The following ITPR2 variants were observed in gnomAD, a reference collection of about 807,000 sequenced individuals.
ITPR2 encodes the protein inositol 1,4,5-trisphosphate-gated calcium channel ITPR2.
In ITPR2, 207 loss-of-function variants were observed where a neutral mutation model predicts 317.1. The observed-to-expected ratio is 0.65, with a 90% CI of 0.58 to 0.73. The LOEUF is 0.73. Among genes scored for constraint, ITPR2 ranks in the 30% least tolerant of loss-of-function variants. The pLI is 0.00. For synonymous variants in ITPR2, 1,156 were observed against 1,149.1 expected, an observed-to-expected ratio of 1.01 and a Z score of -0.12; for missense variants, 2,613 against 3,284.0, an observed-to-expected ratio of 0.80 and a Z score of 4.99.
At chr12:26,358,835 G>C (rs2063632) in intron 55 of ITPR2, among the ~76,000 whole-genome samples, 148,506 of 152,232 alleles carry the variant, frequency 0.98, 72,555 homozygotes, top group Non-Finnish European at 1. Context: ...CATGAGCTGT[G>C]CTGCTGGTTT....
chr12:26,431,633 G>C (rs1941211231), intron 48 of ITPR2, among the ~76,000 whole-genome samples: 1 of 152,206 alleles, frequency 6.6e-6, no homozygotes, highest in African/African-American at 2.4e-5. Flanking sequence ...AGAGGGTGAA[G>C]AGTGCCCAAC....
chr12:26,651,654 T>C (rs908900315), intron 21 of ITPR2, among the ~76,000 whole-genome samples: 1 of 152,228 alleles, frequency 6.6e-6, no homozygotes, highest in Admixed American at 6.5e-5. Context: ...GGTGTTTAGA[T>C]TTTTCCATTC....
At chr12:26,695,531 T>C (rs1355906438) in intron 10 of ITPR2, 75 bp downstream of exon 10, 144 of 1,282,624 alleles carry the variant, frequency 1.1e-4, no homozygotes, top group Non-Finnish European at 9.0e-6. Context: ...AAATTTGCTA[T>C]TAAAATTCCA....
intron 15 of ITPR2, among the ~76,000 whole-genome samples, chr12:26,662,268 T>C (rs1947520803): frequency 6.6e-6 from 1 of 152,238 alleles, no homozygotes. Flanking sequence ...TGGGTTTGCA[T>C]ACTGGTTCCA....
chr12:26,382,486 G>A (rs1939537475), intron 55 of ITPR2, among the ~76,000 whole-genome samples: 1 of 152,170 alleles, frequency 6.6e-6, no homozygotes, highest in African/African-American at 2.4e-5. Context: ...CCAATGTGGT[G>A]AAACCCTGTC....
intron 37 of ITPR2, among the ~76,000 whole-genome samples, chr12:26,535,286 C>T (rs1944058170): frequency 6.6e-6 from 1 of 152,046 alleles, no homozygotes; most frequent in African/African-American, 2.4e-5. Flanking sequence ...AAAATGATTC[C>T]AAAAAAGCTA....
intron 2 of ITPR2, among the ~76,000 whole-genome samples, chr12:26,787,601 G>A (rs150761829): frequency 0.013 from 1,918 of 152,222 alleles, 25 homozygotes; most frequent in Non-Finnish European, 0.023. Context: ...CCCATGAAGC[G>A]TAAATGTTTA....
At chr12:26,672,799 C>A (rs1385008432) in intron 13 of ITPR2, among the ~76,000 whole-genome samples, 3 of 151,838 alleles carry the variant, frequency 2.0e-5, no homozygotes, top group Non-Finnish European at 4.4e-5. Context: ...TGATAGACTG[C>A]TAGCAAGACT....
intron 1 of ITPR2, among the ~76,000 whole-genome samples, chr12:26,826,873 C>T (rs574687956): frequency 2.0e-5 from 3 of 152,324 alleles, no homozygotes; most frequent in South Asian, 2.1e-4. Context: ...AAGAATTCTG[C>T]TATGCTCAGT....
intron 2 of ITPR2, among the ~76,000 whole-genome samples, chr12:26,732,153 G>A (rs931213576): frequency 6.6e-6 from 1 of 152,056 alleles, no homozygotes. Context: ...ACAACACATG[G>A]GTTAGCAACC....
intron 24 of ITPR2, among the ~76,000 whole-genome samples, chr12:26,623,789 A>C (rs1946557690): frequency 6.6e-6 from 1 of 152,228 alleles, no homozygotes. Context: ...CAATATTAAA[A>C]CAATAAACGG....
intron 45 of ITPR2, among the ~76,000 whole-genome samples, chr12:26,463,963 G>A (rs758193783): frequency 6.6e-6 from 1 of 152,076 alleles, no homozygotes; most frequent in Non-Finnish European, 1.5e-5. Context: ...TCCCTATGAT[G>A]AAAATGCTTT....
chr12:26,371,990 C>A lies in ITPR2; in HGVS notation c.7857+15444G>T, dbSNP rs114255873. ...CTGTGTTTGAAGGATCAAACAGGAA[C>A]TCCTTACCCTGAGAATTAATTCCTG... On this transcript the variant is annotated intron_variant, in intron 55 of 56. Coordinates refer to ENST00000381340, the MANE Select transcript of ITPR2 (RefSeq NM_002223.4). Among the ~76,000 whole-genome samples the A allele has an allele frequency of 3.9e-3, 600 of 152,276 alleles. 5 individuals are homozygous for A. Among genetic ancestry groups the A allele is most frequent in the African/African-American group, 0.013 (531 of 41,550 alleles).
chr12:26,764,189 A>G (rs1949681069), intron 2 of ITPR2, among the ~76,000 whole-genome samples: 1 of 152,118 alleles, frequency 6.6e-6, no homozygotes, highest in South Asian at 2.1e-4. Flanking sequence ...TTCACCCTTC[A>G]CAAAAATTAA....
intron 46 of ITPR2, 133 bp downstream of exon 46, chr12:26,443,410 T>A: frequency 1.7e-6 from 1 of 582,738 alleles, no homozygotes; most frequent in Non-Finnish European, 3.0e-6. Flanking sequence ...CTCATCCTTT[T>A]ACTATACATT....
chr12:26,350,786 G>A (rs1938455639), intron 55 of ITPR2, among the ~76,000 whole-genome samples: 1 of 152,090 alleles, frequency 6.6e-6, no homozygotes, highest in Non-Finnish European at 1.5e-5. Flanking sequence ...ATGAGCAGGA[G>A]GGCAGAGGCT....
intron 37 of ITPR2, among the ~76,000 whole-genome samples, chr12:26,514,078 A>T (rs1943428992): frequency 6.6e-6 from 1 of 152,250 alleles, no homozygotes; most frequent in Admixed American, 6.5e-5. Context: ...TATAAACCAT[A>T]GACTGCATAA....
intron 37 of ITPR2, among the ~76,000 whole-genome samples, chr12:26,534,181 A>C (rs1944021782): frequency 6.6e-6 from 1 of 152,158 alleles, no homozygotes; most frequent in African/African-American, 2.4e-5. Flanking sequence ...GATAGTTCCA[A>C]ATTTTTGTAA....
At chr12:26,742,487 A>C (rs1477275212) in intron 2 of ITPR2, among the ~76,000 whole-genome samples, 4 of 152,174 alleles carry the variant, frequency 2.6e-5, no homozygotes, top group African/African-American at 9.6e-5. Flanking sequence ...AAAATATGAT[A>C]TATCCACATC....
Sources: gnomAD v4.1 joint callset for allele counts (sites outside exome capture counted in the v4.1 genomes callset) on GRCh38, gnomAD v4.1.1 for gene constraint, MANE v1.5 for transcripts, NCBI Gene and HGNC (gene_info 2026-07-23, HGNC 2026-07-21) for gene names.